Variants in ZDHHC17 observed in about 807,000 individuals in gnomAD.
ZDHHC17 encodes palmitoyltransferase ZDHHC17.
ZDHHC17 carries 40 observed loss-of-function variants against 90.3 expected under a neutral mutation model. The observed-to-expected ratio is 0.44, with a 90% CI of 0.34 to 0.58. The LOEUF is 0.58. Ranked by LOEUF, ZDHHC17 falls within the 20% of genes least tolerant of loss-of-function variation. The pLI is 0.01. For missense variants in ZDHHC17, 614 were observed against 780.8 expected (o/e 0.79, Z 2.55); for synonymous variants, 235 against 252.4 (o/e 0.93, Z 0.65).
At chr12:76,782,477 C>A (rs76413386) in intron 1 of ZDHHC17, among the ~76,000 whole-genome samples, 4,121 of 152,212 alleles carry the variant, frequency 0.027, 198 homozygotes, top group African/African-American at 0.093. Context: ...CACTATGTGT[C>A]CAGTGATATT....
intron 1 of ZDHHC17, among the ~76,000 whole-genome samples, chr12:76,789,501 A>G (rs1952734020): frequency 6.6e-6 from 1 of 152,214 alleles, no homozygotes; most frequent in Admixed American, 6.5e-5. Flanking sequence ...ACATTTTGAT[A>G]TATTGGTATA....
intron 1 of ZDHHC17, among the ~76,000 whole-genome samples, chr12:76,782,717 A>T (rs1224215155): frequency 6.6e-6 from 1 of 152,150 alleles, no homozygotes; most frequent in African/African-American, 2.4e-5. Context: ...AGAAGTGGAC[A>T]GTGACTGAAG....
intron 7 of ZDHHC17, among the ~76,000 whole-genome samples, chr12:76,817,242 A>G (rs1472348035): frequency 6.6e-6 from 1 of 152,144 alleles, no homozygotes; most frequent in African/African-American, 2.4e-5. Flanking sequence ...CCAGGTCTGA[A>G]GGTTAAGAAA....
At chr12:76,836,131 A>AT (rs1199232910) in intron 10 of ZDHHC17, among the ~76,000 whole-genome samples, 1 of 151,720 alleles carries the variant, frequency 6.6e-6, no homozygotes, top group Non-Finnish European at 1.5e-5. Flanking sequence ...TTGTCTTATA[A>AT]TTTTTTTGTA....
intron 2 of ZDHHC17, among the ~76,000 whole-genome samples, chr12:76,804,680 C>T (rs1008053304): frequency 9.2e-5 from 14 of 152,158 alleles, no homozygotes; most frequent in African/African-American, 1.4e-4. Context: ...AAAACTTAGG[C>T]GGCGTCTGGG....
intron 10 of ZDHHC17, among the ~76,000 whole-genome samples, chr12:76,836,838 T>C (rs1953369877): frequency 6.6e-6 from 1 of 152,202 alleles, no homozygotes. Flanking sequence ...GGAGTTTCAT[T>C]ATTAAGTATG....
At chr12:76,788,726 C>T (rs965437675) in intron 1 of ZDHHC17, among the ~76,000 whole-genome samples, 2 of 40,972 alleles carry the variant, frequency 4.9e-5, no homozygotes, top group South Asian at 8.4e-4. Flanking sequence ...AGCAGAGTTT[C>T]GCTCTTGTTG....
chr12:76,815,169 T>C lies in ZDHHC17; in HGVS notation c.567T>C (p.Asn189=), dbSNP rs1385057575. The stretch of plus-strand genomic sequence containing the variant: ...AGGATGTAGATATGATGGATCAGAA[T>C]GGAATGACGCCTTTAATGTGGGCAG... ...KGQDVDMMDQ[N]GMTPLMWAAY... is the part of the protein sequence containing the mutation. The change falls in exon 6 of 17, where the codon AAT becomes AAC. Residue 189 remains asparagine, a synonymous_variant. Transcript: ENST00000426126. 1 of 1,567,254 alleles carries C rather than the reference T, an allele frequency of 6.4e-7. No homozygotes were observed. The highest frequency in any genetic ancestry group is 8.7e-7 in the Non-Finnish European group (1 of 1,153,940).
intron 1 of ZDHHC17, among the ~76,000 whole-genome samples, chr12:76,784,767 G>T (rs1177981074): frequency 6.6e-6 from 1 of 152,194 alleles, no homozygotes; most frequent in Non-Finnish European, 1.5e-5. Context: ...TTGAAGAATT[G>T]TAACAGGAGA....
chr12:76,816,450 C>A (rs1953088009), intron 7 of ZDHHC17, among the ~76,000 whole-genome samples: 1 of 152,066 alleles, frequency 6.6e-6, no homozygotes, highest in Non-Finnish European at 1.5e-5. Context: ...TCAGGATCCA[C>A]CATGTCTTTC....
intron 1 of ZDHHC17, among the ~76,000 whole-genome samples, chr12:76,774,264 G>GTGTATGTGTA (rs1555179823): frequency 6.7e-6 from 1 of 149,668 alleles, no homozygotes; most frequent in African/African-American, 2.5e-5. Context: ...TAAAGAATGT[G>GTGTATGTGTA]TGTGTATGTG....
intron 9 of ZDHHC17, among the ~76,000 whole-genome samples, chr12:76,827,653 A>G (rs1220697868): frequency 6.6e-6 from 1 of 152,080 alleles, no homozygotes; most frequent in African/African-American, 2.4e-5. Context: ...GTCCTTTAGT[A>G]TCTTATTTTC....
chr12:76,826,005 GAC>G (rs1476323293), intron 8 of ZDHHC17, among the ~76,000 whole-genome samples: 1 of 152,092 alleles, frequency 6.6e-6, no homozygotes, highest in Admixed American at 6.5e-5. Context: ...TTTTTGTAGA[GAC>G]ATGTTTTTGC....
At chr12:76,797,672 G>A in intron 2 of ZDHHC17, 135 bp downstream of exon 2, 1 of 574,058 alleles carries the variant, frequency 1.7e-6, no homozygotes, top group Non-Finnish European at 2.7e-6. Context: ...GCCGGTTGCG[G>A]TGGCTCACAC....
At chr12:76,815,744 T>G (rs1953079325) in intron 6 of ZDHHC17, 113 bp from the exon 7 acceptor site, 1 of 1,118,970 alleles carries the variant, frequency 8.9e-7, no homozygotes, top group Non-Finnish European at 1.2e-6. Flanking sequence ...AGGTTAGAAG[T>G]GTTCCAAAAT....
intron 7 of ZDHHC17, among the ~76,000 whole-genome samples, chr12:76,819,150 A>G (rs1379030224): frequency 2.0e-5 from 3 of 152,176 alleles, no homozygotes; most frequent in African/African-American, 4.8e-5. Context: ...TTGTGATATC[A>G]TATGTTGAGA....
intron 3 of ZDHHC17, among the ~76,000 whole-genome samples, chr12:76,806,886 G>A (rs1213711536): frequency 6.6e-6 from 1 of 152,218 alleles, no homozygotes; most frequent in Non-Finnish European, 1.5e-5. Context: ...GAGACAAGTT[G>A]GATATTAATG....
chr12:76,790,410 G>T (rs954348407), intron 1 of ZDHHC17, among the ~76,000 whole-genome samples: 1 of 152,126 alleles, frequency 6.6e-6, no homozygotes, highest in Non-Finnish European at 1.5e-5. Context: ...ACTGAGGCAG[G>T]AGAATCAGTT....
intron 1 of ZDHHC17, among the ~76,000 whole-genome samples, chr12:76,771,855 A>T (rs1952496034): frequency 6.6e-6 from 1 of 152,296 alleles, no homozygotes. Context: ...CAAAAAGGGG[A>T]ATTTACTGTC....
Sources: gnomAD v4.1 joint callset for allele counts (sites outside exome capture counted in the v4.1 genomes callset) on GRCh38, gnomAD v4.1.1 for gene constraint, MANE v1.5 for transcripts, NCBI Gene and HGNC (gene_info 2026-07-23, HGNC 2026-07-21) for gene names.